KDM4B: variants seen among roughly 807,000 people sequenced by gnomAD.
The protein encoded by KDM4B is lysine demethylase 4B, also known as lysine-specific demethylase 4B.
In KDM4B, 32 loss-of-function variants were observed where a neutral mutation model predicts 125.2. That is an observed-to-expected ratio of 0.26 (90% CI 0.19 to 0.34). The LOEUF is 0.34. KDM4B is among the 10% of genes least tolerant of loss of function. KDM4B has a pLI of 1.00. For synonymous variants in KDM4B, 721 were observed against 677.9 expected (o/e 1.06, Z -0.99); for missense variants, 1,190 against 1,577.7 (o/e 0.75, Z 4.16).
intron 6 of KDM4B, among the ~76,000 whole-genome samples, chr19:5,066,530 T>G (rs56763489): frequency 3.5e-4 from 54 of 152,356 alleles, no homozygotes; most frequent in African/African-American, 1.3e-3. Context: ...TGTCCCCAAC[T>G]CCAGAGGGGC....
At chr19:5,051,137 A>T (rs957250815) in intron 6 of KDM4B, among the ~76,000 whole-genome samples, 1 of 152,176 alleles carries the variant, frequency 6.6e-6, no homozygotes, top group African/African-American at 2.4e-5. Flanking sequence ...ATCACATGCC[A>T]CATGCCCCTA....
intron 1 of KDM4B, among the ~76,000 whole-genome samples, chr19:4,999,229 C>T (rs2035293734): frequency 6.6e-6 from 1 of 152,160 alleles, no homozygotes; most frequent in South Asian, 2.1e-4. Flanking sequence ...TGGATTCTTA[C>T]TTTGTTCAAT....
intron 11 of KDM4B, among the ~76,000 whole-genome samples, chr19:5,128,860 C>CG (rs10718211): frequency 0.063 from 4,461 of 70,318 alleles, 126 homozygotes; most frequent in Non-Finnish European, 0.073. Context: ...AGGCGGGGGG[C>CG]GGGGGGGGGG....
chr19:5,092,763 G>A (rs908335451), intron 9 of KDM4B, among the ~76,000 whole-genome samples: 11 of 152,162 alleles, frequency 7.2e-5, no homozygotes, highest in African/African-American at 2.4e-4. Flanking sequence ...CAGAGGAGGG[G>A]GCTCGCAGGG....
chr19:5,077,076 G>A, intron 7 of KDM4B: 1 of 425,158 alleles, frequency 2.4e-6, no homozygotes, highest in Non-Finnish European at 4.2e-6. Flanking sequence ...GCAGAGACGA[G>A]ACCAGGCATC....
chr19:5,014,348 C>T (rs891530481), intron 1 of KDM4B, among the ~76,000 whole-genome samples: 8 of 152,172 alleles, frequency 5.3e-5, no homozygotes, highest in Admixed American at 3.3e-4. Flanking sequence ...ACGATCTCGG[C>T]TCGCTGCAAG....
intron 8 of KDM4B, 95 bp downstream of exon 8, chr19:5,077,565 C>T: frequency 9.3e-7 from 1 of 1,072,608 alleles, no homozygotes; most frequent in Non-Finnish European, 1.4e-6. Context: ...AGCTGTTTAA[C>T]CCTGGAGAAG....
rs2039764516 is a variant in KDM4B, at chr19:5,142,574, G to T, written c.2551-1393G>T. Among the ~76,000 whole-genome samples the T allele has an allele frequency of 2.0e-5, 3 of 152,186 alleles. No homozygotes were observed. The highest frequency in any genetic ancestry group is 1.3e-4 in the Admixed American group (2 of 15,310). Reference sequence around the variant, plus strand: ...TGGGTTTCTCCTGGGCCTGGGCCGAGGGGTGGAGGCCTGTGGGTGACGTGT... The same window carrying T: ...TGGGTTTCTCCTGGGCCTGGGCCGATGGGTGGAGGCCTGTGGGTGACGTGT... On this transcript the variant is annotated intron_variant, in intron 18 of 22. Transcript: ENST00000159111. The surrounding 1 kb of genome is among the most constrained non-coding windows in gnomAD (Gnocchi z 5.4).
rs972221200 is a variant in KDM4B at position 5,153,573 on chromosome 19, A to G, written c.*2062A>G. On this transcript the variant is annotated 3_prime_UTR_variant, in exon 23 of 23. Transcript: ENST00000159111. ...GTCCCTGCCTCTAGGTTCATAATGA[A>G]TTAAAGGTTCATGAACGCTGCGAAA... 1 of 152,240 alleles carries G rather than the reference A, an allele frequency of 6.6e-6. No homozygotes were observed. The highest frequency in any genetic ancestry group is 2.4e-5 in the African/African-American group (1 of 41,456). 9.4% of individuals were successfully genotyped at this position (152,240 alleles called of 1,614,324 possible).
At chr19:5,106,382 G>C (rs556508812) in intron 9 of KDM4B, among the ~76,000 whole-genome samples, 1 of 152,308 alleles carries the variant, frequency 6.6e-6, no homozygotes, top group East Asian at 1.9e-4. Flanking sequence ...CTTGCCTGGA[G>C]TGTGCAAAGA....
Position 4,982,406 on chromosome 19 carries a change from C to T in KDM4B, c.-109+13176C>T, listed in dbSNP as rs546658828. Among the ~76,000 whole-genome samples the T allele has an allele frequency of 4.2e-5, 6 of 142,218 alleles. No individual in the cohort carries two copies. The South Asian group carries it at 1.2e-3, about 28-fold the overall frequency. 93.3% of individuals were successfully genotyped at this position (142,218 alleles called of 152,430 possible). A position where few individuals can be genotyped will look rare whatever the true frequency, so the allele number is the denominator to read the frequency against. Reference sequence around the variant, plus strand: ...GGCGGAGGTTGCAGTGAGCCAAGATCGCACCACTGCGCTCCAGCCTGGGTG... The same window carrying T: ...GGCGGAGGTTGCAGTGAGCCAAGATTGCACCACTGCGCTCCAGCCTGGGTG... On this transcript the variant is annotated intron_variant, in intron 1 of 22. Coordinates refer to ENST00000159111, the MANE Select transcript of KDM4B (RefSeq NM_015015.3).
At chr19:5,010,373 G>T (rs1300615269) in intron 1 of KDM4B, among the ~76,000 whole-genome samples, 1 of 152,212 alleles carries the variant, frequency 6.6e-6, no homozygotes, top group East Asian at 1.9e-4. Flanking sequence ...CAGCGTGGTG[G>T]TGTTGACCGT....
At position 5,013,870 on chromosome 19, in the gene KDM4B, C is replaced by T. The variant is rs115691803; in HGVS notation, c.-108-2387C>T. 1.6e-3 allele frequency among the ~76,000 whole-genome samples: 250 copies of T among 152,308 alleles called. 3 individuals carry two copies. Among genetic ancestry groups the T allele is most frequent in the African/African-American group, 5.5e-3 (229 of 41,578 alleles). ...AGCTGCGTGGAGGGATTCCGGTCCT[C>T]GGGTTCAGTTGGTGACAGTGTCGGG... On this transcript the variant is annotated intron_variant, in intron 1 of 22. Coordinates refer to ENST00000159111, the MANE Select transcript of KDM4B (RefSeq NM_015015.3).
intron 6 of KDM4B, among the ~76,000 whole-genome samples, chr19:5,063,035 A>G (rs1206432776): frequency 1.3e-5 from 2 of 151,520 alleles, no homozygotes; most frequent in Non-Finnish European, 2.9e-5. Context: ...CACATTGGCT[A>G]GTGTCTCTAG....
At chr19:4,984,611 T>G (rs2034765345) in intron 1 of KDM4B, among the ~76,000 whole-genome samples, 1 of 152,138 alleles carries the variant, frequency 6.6e-6, no homozygotes, top group Non-Finnish European at 1.5e-5. Flanking sequence ...TCCGGTGAAC[T>G]TGGAGTGTGT....
chr19:5,097,952 G>T (rs1017798028), intron 9 of KDM4B, among the ~76,000 whole-genome samples: 1 of 152,184 alleles, frequency 6.6e-6, no homozygotes, highest in Admixed American at 6.5e-5. Context: ...TCTCAGGCAT[G>T]GGGGGCGCAA....
chr19:5,028,233 C>T (rs2036343109), intron 2 of KDM4B, among the ~76,000 whole-genome samples: 1 of 152,128 alleles, frequency 6.6e-6, no homozygotes, highest in Non-Finnish European at 1.5e-5. Context: ...CGCCTCAGCC[C>T]CCCAGAGTTC....
At chr19:5,144,486 C>T (rs1353036831) in intron 20 of KDM4B, 74 bp downstream of exon 20, 9 of 486,970 alleles carry the variant, frequency 1.8e-5, no homozygotes, top group South Asian at 8.3e-5. Context: ...GAGAGCATCA[C>T]GGTGAGCTGT....
At chr19:5,042,335 A>G (rs1304492284) in intron 5 of KDM4B, among the ~76,000 whole-genome samples, 1 of 152,106 alleles carries the variant, frequency 6.6e-6, no homozygotes, top group Non-Finnish European at 1.5e-5. Context: ...ACCTGTCTCT[A>G]CTAAAAATAC....
Sources: allele counts gnomAD v4.1 joint callset (sites outside exome capture counted in the v4.1 genomes callset), GRCh38; gene constraint gnomAD v4.1.1; non-coding constraint Gnocchi (gnomAD v3.1); transcripts MANE v1.5; gene names NCBI Gene and HGNC (gene_info 2026-07-23, HGNC 2026-07-21).